The following DCHS2 variants were observed in gnomAD, a reference collection of about 807,000 sequenced individuals.
DCHS2 encodes the protein dachsous cadherin-related 2, also known as protocadherin-23.
DCHS2 carries 142 observed loss-of-function variants against 182.4 expected under a neutral mutation model. The ratio of observed to expected loss-of-function variants is 0.78; its 90% confidence interval spans 0.68 to 0.89. The LOEUF (loss-of-function observed/expected upper bound fraction) is 0.89, where lower values mean the gene tolerates loss of function less well. Ranked by LOEUF, DCHS2 falls within the 40% of genes least tolerant of loss-of-function variation. The pLI is 0.00. For missense variants in DCHS2, 4,319 were observed against 4,198.6 expected (o/e 1.03, Z -0.79); for synonymous variants, 1,740 against 1,663.3 (o/e 1.05, Z -1.12).
At chr4:154,437,319 TC>T (rs1172491551) in intron 1 of DCHS2, among the ~76,000 whole-genome samples, 1 of 152,102 alleles carries the variant, frequency 6.6e-6, no homozygotes, top group African/African-American at 2.4e-5. Context: ...AACTTGGCCA[TC>T]TCACTCCTAC....
At position 154,489,579 on chromosome 4, in the gene DCHS2, G is replaced by T. The variant is rs72731016; in HGVS notation, c.1777C>A (p.Gln593Lys). Residue 593 changes from glutamine to lysine, a missense_variant, in exon 1 of 20, where the codon CAA becomes AAA. Physicochemically the swap from Gln to Lys is moderately conservative, Grantham distance 53. Coordinates refer to ENST00000357232, the MANE Select transcript of DCHS2 (RefSeq NM_001358235.2). ...TCTGCGGTGTGGACCATCTTTGATT[G>T]CAGGGAGCCGAGATTGCAGGGAGCC... ...LSAPCNLGSL[Q>K]SKMVHTAECG... is the part of the protein sequence containing the mutation. 6.4e-4 allele frequency: 997 copies of T among 1,550,558 alleles called. No individual in the cohort carries two copies. The highest frequency in any genetic ancestry group is 1.0e-3 in the Admixed American group (52 of 50,874).
chr4:154,235,083 C>G lies in DCHS2; in HGVS notation c.9569G>C (p.Arg3190Thr). 1.2e-6 allele frequency: 2 copies of G among 1,613,954 alleles called. No homozygotes were observed. The highest frequency in any genetic ancestry group is 8.5e-7 in the Non-Finnish European group (1 of 1,179,948). The stretch of plus-strand genomic sequence containing the variant: ...AGCCAGGATGCTCTCTTTTGCCTCT[C>G]TCTTCTGAACTGTCTGGGGTAACAC... ...NNVLPQTVQK[R>T]EAKESILADV... Residue 3190 changes from arginine (R) to threonine (T), a missense_variant, in exon 20 of 20, where the codon AGA becomes ACA. Arg to Thr is a moderately conservative substitution (Grantham distance 71). Coordinates refer to ENST00000357232, the MANE Select transcript of DCHS2 (RefSeq NM_001358235.2).
At chr4:154,372,435 A>G (rs1165462515) in intron 2 of DCHS2, among the ~76,000 whole-genome samples, 1 of 152,198 alleles carries the variant, frequency 6.6e-6, no homozygotes, top group Non-Finnish European at 1.5e-5. Flanking sequence ...AACAGTGAAG[A>G]GCTCAGTCCG....
intron 1 of DCHS2, among the ~76,000 whole-genome samples, chr4:154,424,381 C>T (rs956073205): frequency 2.6e-5 from 4 of 152,124 alleles, no homozygotes; most frequent in South Asian, 2.1e-4. Flanking sequence ...TAAAAAGCTT[C>T]CCTTGTCTTT....
At chr4:154,323,910 C>T (rs1736180288) in intron 7 of DCHS2, among the ~76,000 whole-genome samples, 1 of 151,920 alleles carries the variant, frequency 6.6e-6, no homozygotes. Flanking sequence ...ACTTCTGGTC[C>T]CAAGCATTTT....
intron 1 of DCHS2, among the ~76,000 whole-genome samples, chr4:154,414,544 A>C (rs959305757): frequency 2.2e-5 from 3 of 134,504 alleles, no homozygotes; most frequent in African/African-American, 8.5e-5. Flanking sequence ...GCCAAAAATT[A>C]GGCCGTAATT....
At chr4:154,445,782 G>A (rs1334451508) in intron 1 of DCHS2, among the ~76,000 whole-genome samples, 1 of 145,684 alleles carries the variant, frequency 6.9e-6, no homozygotes, top group Non-Finnish European at 1.5e-5. Context: ...CTGAGCTCCA[G>A]CCTGAGTGAT....
chr4:154,340,486 G>A (rs1446708588), intron 3 of DCHS2, among the ~76,000 whole-genome samples: 4 of 152,052 alleles, frequency 2.6e-5, no homozygotes, highest in Admixed American at 2.0e-4. Context: ...AGAACTATTT[G>A]GTGTCTAATT....
chr4:154,366,126 T>C (rs1730338972), intron 3 of DCHS2, 84 bp downstream of exon 3: 1 of 1,081,800 alleles, frequency 9.2e-7, no homozygotes, highest in Admixed American at 2.0e-5. Context: ...TGAAAAAAAG[T>C]CACTTTTTCT....
At chr4:154,337,414 A>G (rs1180716896) in intron 3 of DCHS2, among the ~76,000 whole-genome samples, 1 of 152,180 alleles carries the variant, frequency 6.6e-6, no homozygotes, top group East Asian at 1.9e-4. Flanking sequence ...CTCCTTCTGA[A>G]CTATTTTTAT....
chr4:154,289,353 C>G (rs1734549640), intron 13 of DCHS2, among the ~76,000 whole-genome samples: 1 of 151,904 alleles, frequency 6.6e-6, no homozygotes, highest in African/African-American at 2.4e-5. Context: ...TGGATAAATT[C>G]ATAGACACAT....
At position 154,298,592 on chromosome 4, in the gene DCHS2, G is replaced by GCT; in HGVS notation, c.5721_5722insAG (p.Leu1908SerfsTer10). 1 of 1,614,122 alleles carries GCT rather than the reference G, an allele frequency of 6.2e-7. No homozygotes were observed. The highest frequency in any genetic ancestry group is 1.1e-5 in the South Asian group (1 of 91,076). ...ACAGAGCTCCTAGGTGGATCTCCCA[G>GCT]GTCAGAGCACAGAATGACAAGGGTA... On this transcript the variant is annotated frameshift_variant, in exon 13 of 20. Transcript: ENST00000357232. LOFTEE classifies it high-confidence loss of function.
intron 3 of DCHS2, among the ~76,000 whole-genome samples, chr4:154,364,748 G>T (rs529338388): frequency 6.6e-6 from 1 of 152,062 alleles, no homozygotes; most frequent in Non-Finnish European, 1.5e-5. Flanking sequence ...ATTATCATTT[G>T]TTTCTACCGT....
chr4:154,324,218 T>C (rs1300437695), intron 7 of DCHS2, among the ~76,000 whole-genome samples: 3 of 152,218 alleles, frequency 2.0e-5, no homozygotes, highest in African/African-American at 4.8e-5. Context: ...TTTATCCTTA[T>C]TGATGCTCAA....
intron 1 of DCHS2, among the ~76,000 whole-genome samples, chr4:154,438,516 G>A (rs1474162957): frequency 6.6e-6 from 1 of 151,950 alleles, no homozygotes; most frequent in African/African-American, 2.4e-5. Context: ...TACATTTTTT[G>A]TTCTTGCAGA....
chr4:154,346,113 T>C (rs1057230283), intron 3 of DCHS2, among the ~76,000 whole-genome samples: 3 of 152,194 alleles, frequency 2.0e-5, no homozygotes, highest in Non-Finnish European at 4.4e-5. Flanking sequence ...TGACTTTATC[T>C]AAACATAATT....
chr4:154,329,850 T>G (rs1478426289), intron 5 of DCHS2, 140 bp from the exon 6 acceptor site: 1 of 625,368 alleles, frequency 1.6e-6, no homozygotes, highest in African/African-American at 1.8e-5. Flanking sequence ...GTAGTTTGGC[T>G]CTATGGTACT....
At chr4:154,274,824 CT>C (rs1354132910) in intron 13 of DCHS2, among the ~76,000 whole-genome samples, 1 of 151,772 alleles carries the variant, frequency 6.6e-6, no homozygotes, top group East Asian at 1.9e-4. Flanking sequence ...TTTTAACTAA[CT>C]TTTTTTTCAA....
intron 5 of DCHS2, 149 bp from the exon 6 acceptor site, chr4:154,329,859 C>A (rs968480076): frequency 5.5e-6 from 3 of 549,700 alleles, no homozygotes; most frequent in African/African-American, 3.8e-5. Flanking sequence ...CTCTATGGTA[C>A]TGTTGAAAAA....
Sources: gnomAD v4.1 joint callset for allele counts (sites outside exome capture counted in the v4.1 genomes callset) on GRCh38, gnomAD v4.1.1 for gene constraint, MANE v1.5 for transcripts, NCBI Gene and HGNC (gene_info 2026-07-23, HGNC 2026-07-21) for gene names.